The following ROR1 variants were observed in gnomAD, a reference collection of about 807,000 sequenced individuals.
ROR1 encodes the protein ROR family WNT receptor 1, also known as inactive tyrosine-protein kinase transmembrane receptor ROR1.
Under a neutral mutation model 78.8 loss-of-function variants are expected in ROR1, and 19 were observed. The observed-to-expected ratio is 0.24, with a 90% CI of 0.17 to 0.35. The LOEUF (loss-of-function observed/expected upper bound fraction) is 0.35, where lower values mean the gene tolerates loss of function less well. Among genes scored for constraint, ROR1 ranks in the 10% least tolerant of loss-of-function variants. The probability of loss-of-function intolerance (pLI) is 1.00; values close to 1 mark genes in which losing one functional copy is unlikely to be tolerated. For synonymous variants in ROR1, 386 were observed against 433.6 expected, an observed-to-expected ratio of 0.89 and a Z score of 1.36; for missense variants, 917 against 1,177.8, an observed-to-expected ratio of 0.78 and a Z score of 3.24.
At chr1:63,860,604 CAT>C (rs1318809367) in intron 1 of ROR1, among the ~76,000 whole-genome samples, 155 of 147,072 alleles carry the variant, frequency 1.1e-3, no homozygotes, top group African/African-American at 3.3e-3. Flanking sequence ...CACACACACA[CAT>C]ACACACACAC....
At chr1:64,176,497 CA>C (rs1650383580) in intron 8 of ROR1, among the ~76,000 whole-genome samples, 1 of 55,738 alleles carries the variant, frequency 1.8e-5, no homozygotes, top group Admixed American at 1.9e-4. Context: ...GGAATTGAGG[CA>C]AAAGTTAAAT....
At chr1:64,052,276 C>T (rs1253514048) in intron 4 of ROR1, among the ~76,000 whole-genome samples, 1 of 148,474 alleles carries the variant, frequency 6.7e-6, no homozygotes, top group South Asian at 2.2e-4. Context: ...ACTTTTGTTA[C>T]TTGTAAAAAT....
At chr1:64,168,273 G>T (rs1264982064) in intron 8 of ROR1, among the ~76,000 whole-genome samples, 1 of 152,202 alleles carries the variant, frequency 6.6e-6, no homozygotes, top group African/African-American at 2.4e-5. Flanking sequence ...TTGTAAAATA[G>T]GTGTGAGTCA....
intron 1 of ROR1, among the ~76,000 whole-genome samples, chr1:63,848,560 G>C (rs1018751293): frequency 6.6e-6 from 1 of 152,144 alleles, no homozygotes; most frequent in Non-Finnish European, 1.5e-5. Context: ...ATTTATTTCA[G>C]ATAGTGGAGG....
At chr1:64,088,311 AT>A (rs1171300226) in intron 4 of ROR1, among the ~76,000 whole-genome samples, 8 of 152,146 alleles carry the variant, frequency 5.3e-5, no homozygotes, top group African/African-American at 1.7e-4. Context: ...AGGAGTAACT[AT>A]TAGAGTCTTA....
chr1:63,901,631 A>G (rs999207877), intron 1 of ROR1, among the ~76,000 whole-genome samples: 3 of 151,478 alleles, frequency 2.0e-5, no homozygotes, highest in Non-Finnish European at 4.4e-5. Flanking sequence ...ACCCAGATAC[A>G]TACTTTCCTC....
chr1:63,987,739 G>A (rs1424385147), intron 1 of ROR1, among the ~76,000 whole-genome samples: 2 of 152,138 alleles, frequency 1.3e-5, no homozygotes, highest in South Asian at 4.1e-4. Flanking sequence ...GCTTCAGTTA[G>A]CTATTTACAT....
At chr1:64,026,737 CTG>C (rs1379571763) in intron 2 of ROR1, among the ~76,000 whole-genome samples, 1 of 152,064 alleles carries the variant, frequency 6.6e-6, no homozygotes, top group African/African-American at 2.4e-5. Context: ...GAACGGGAAA[CTG>C]TCAAACACTT....
chr1:63,843,120 G>C, intron 1 of ROR1: 1 of 664,334 alleles, frequency 1.5e-6, no homozygotes, highest in South Asian at 1.7e-5. Context: ...CTGGGAGGAA[G>C]GGGACGGCCT....
chr1:63,953,740 C>G (rs1012206948), intron 1 of ROR1, among the ~76,000 whole-genome samples: 3 of 152,050 alleles, frequency 2.0e-5, no homozygotes, highest in Non-Finnish European at 4.4e-5. Context: ...ACAGTAAGGG[C>G]CTTCATTAGG....
intron 4 of ROR1, chr1:64,105,973 G>C (rs1047990328): frequency 4.5e-4 from 68 of 151,814 alleles, no homozygotes; most frequent in African/African-American, 1.6e-3. Flanking sequence ...ATTTAAAGTA[G>C]TTTTTTTTCT....
chr1:63,828,984 C>T (rs67884112), intron 1 of ROR1, among the ~76,000 whole-genome samples: 3 of 152,084 alleles, frequency 2.0e-5, no homozygotes, highest in Non-Finnish European at 2.9e-5. Flanking sequence ...ATCATATCAT[C>T]GCCATCTGAT....
chr1:63,953,134 T>C (rs766576484), intron 1 of ROR1, among the ~76,000 whole-genome samples: 12 of 152,184 alleles, frequency 7.9e-5, no homozygotes, highest in Non-Finnish European at 1.6e-4. Context: ...TTAGCAATTG[T>C]TTATGAATAC....
chr1:63,883,419 A>AT (rs1645336240), intron 1 of ROR1, among the ~76,000 whole-genome samples: 1 of 151,650 alleles, frequency 6.6e-6, no homozygotes, highest in Admixed American at 6.6e-5. Flanking sequence ...CTCTCTTTTT[A>AT]TTTTTTTAAC....
chr1:64,108,510 A>G (rs1191069374), intron 4 of ROR1: 2 of 151,548 alleles, frequency 1.3e-5, no homozygotes, highest in Non-Finnish European at 2.9e-5. Context: ...TAACCAGAAC[A>G]TTCAAATTGC....
At position 63,944,925 on chromosome 1, in the gene ROR1, C is replaced by T. The variant is rs557237734; in HGVS notation, c.92-64380C>T. The stretch of plus-strand genomic sequence containing the variant: ...TAAAATGACCTAATTCAGTGTCTCT[C>T]AACCTCTCTTGCATATTAAAATTAC... On this transcript the variant is annotated intron_variant, in intron 1 of 8. Transcript: ENST00000371079. Among the ~76,000 whole-genome samples the T allele has an allele frequency of 5.3e-5, 8 of 152,266 alleles. No individual in the cohort carries two copies. In the East Asian group the frequency reaches 1.5e-3, roughly 29 times the overall value.
At chr1:64,059,104 T>C (rs1277018182) in intron 4 of ROR1, among the ~76,000 whole-genome samples, 1 of 152,154 alleles carries the variant, frequency 6.6e-6, no homozygotes, top group East Asian at 1.9e-4. Context: ...TCTAAGTTAT[T>C]TTATTCCTTT....
intron 1 of ROR1, among the ~76,000 whole-genome samples, chr1:63,861,913 T>C (rs188918078): frequency 6.6e-6 from 1 of 152,284 alleles, no homozygotes; most frequent in African/African-American, 2.4e-5. Context: ...AGTCTAGGGT[T>C]GATTTTATGT....
rs142545676 is a variant in ROR1 at position 63,785,265 on chromosome 1, A to T, written c.91+10757A>T. 6.5e-4 allele frequency among the ~76,000 whole-genome samples: 99 copies of T among 152,272 alleles called. No individual in the cohort carries two copies. The East Asian group carries it at 0.017, about 26-fold the overall frequency. On this transcript the variant is annotated intron_variant, in intron 1 of 8. Transcript: ENST00000371079. Reference sequence around the variant, plus strand: ...ATAATTTTCACACCCCCTGGAGAGTATTGGCTGTTTTTCTTTTTTCTGCCT... The same window carrying T: ...ATAATTTTCACACCCCCTGGAGAGTTTTGGCTGTTTTTCTTTTTTCTGCCT...
Sources: allele counts gnomAD v4.1 joint callset (sites outside exome capture counted in the v4.1 genomes callset), GRCh38; gene constraint gnomAD v4.1.1; transcripts MANE v1.5; gene names NCBI Gene and HGNC (gene_info 2026-07-23, HGNC 2026-07-21).